FHOD3: variants seen among roughly 807,000 people sequenced by gnomAD.
The protein encoded by FHOD3 is formin homology 2 domain containing 3, also known as FH1/FH2 domain-containing protein 3.
Under a neutral mutation model 173.0 loss-of-function variants are expected in FHOD3, and 90 were observed. That is an observed-to-expected ratio of 0.52 (90% CI 0.44 to 0.62). FHOD3 has a LOEUF of 0.62. FHOD3 is among the 20% of genes least tolerant of loss of function. The probability of loss-of-function intolerance (pLI) is 0.00; values close to 1 mark genes in which losing one functional copy is unlikely to be tolerated. For synonymous variants in FHOD3, 828 were observed against 823.0 expected (o/e 1.01, Z -0.10); for missense variants, 1,945 against 2,034.7 (o/e 0.96, Z 0.85).
At chr18:36,605,857 G>A (rs532985136) in intron 8 of FHOD3, among the ~76,000 whole-genome samples, 1 of 152,276 alleles carries the variant, frequency 6.6e-6, no homozygotes, top group Non-Finnish European at 1.5e-5. Flanking sequence ...TGGTTTCTAA[G>A]TATTGATATC....
At chr18:36,737,974 T>C (rs1365944248) in intron 20 of FHOD3, among the ~76,000 whole-genome samples, 1 of 152,220 alleles carries the variant, frequency 6.6e-6, no homozygotes, top group Non-Finnish European at 1.5e-5. Flanking sequence ...ACAAAACTCT[T>C]GTGTTGCCCT....
At chr18:36,633,216 G>T (rs143745468) in intron 10 of FHOD3, among the ~76,000 whole-genome samples, 1 of 152,194 alleles carries the variant, frequency 6.6e-6, no homozygotes, top group Non-Finnish European at 1.5e-5. Flanking sequence ...CTCTTAGTGC[G>T]TGTGCTTGAG....
chr18:36,779,339 G>A, intron 28 of FHOD3, 109 bp from the exon 29 acceptor site: 2 of 949,296 alleles, frequency 2.1e-6, no homozygotes, highest in Non-Finnish European at 1.7e-6. Flanking sequence ...GGCTTCTCTG[G>A]AAGTCCCTGG....
intron 1 of FHOD3, among the ~76,000 whole-genome samples, chr18:36,306,540 A>C (rs2092103340): frequency 6.6e-6 from 1 of 152,214 alleles, no homozygotes; most frequent in East Asian, 1.9e-4. Flanking sequence ...TGACCAGCCA[A>C]AGAGGAAAGA....
intron 2 of FHOD3, among the ~76,000 whole-genome samples, chr18:36,364,303 C>T (rs9946458): frequency 0.048 from 7,337 of 152,218 alleles, 355 homozygotes; most frequent in African/African-American, 0.11. Flanking sequence ...ATCCTGACCG[C>T]AAGGATTCCA....
At chr18:36,408,040 T>G (rs991155048) in intron 3 of FHOD3, among the ~76,000 whole-genome samples, 1 of 152,172 alleles carries the variant, frequency 6.6e-6, no homozygotes, top group Non-Finnish European at 1.5e-5. Context: ...GCTGCTCAAC[T>G]TCCTGTGGGC....
At position 36,724,836 on chromosome 18, in the gene FHOD3, T is replaced by TC. The variant is rs553602341; in HGVS notation, c.3418-5807dup. 1.7e-4 allele frequency among the ~76,000 whole-genome samples: 26 copies of TC among 152,332 alleles called. No homozygotes were observed. The South Asian group carries it at 5.2e-3, about 30-fold the overall frequency. Reference sequence around the variant, plus strand: ...GGGCTACTACGGGCATGTTGGAGGCTCCCGGTAGTTGGAGCTCCGAAGGAG... The same window carrying TC: ...GGGCTACTACGGGCATGTTGGAGGCTCCCCGGTAGTTGGAGCTCCGAAGGAG... On this transcript the variant is annotated intron_variant, in intron 19 of 28. Coordinates refer to ENST00000590592, the MANE Select transcript of FHOD3 (RefSeq NM_001281740.3).
chr18:36,473,050 C>T (rs749758670), intron 3 of FHOD3, among the ~76,000 whole-genome samples: 6 of 152,168 alleles, frequency 3.9e-5, no homozygotes, highest in African/African-American at 7.2e-5. Context: ...AAACACAAGC[C>T]CAGTGAAATG....
At chr18:36,401,315 G>C (rs1423709151) in intron 3 of FHOD3, among the ~76,000 whole-genome samples, 1 of 152,128 alleles carries the variant, frequency 6.6e-6, no homozygotes, top group East Asian at 1.9e-4. Context: ...CTACCTATAA[G>C]GAACAAGACC....
chr18:36,468,337 C>T (rs1001793978), intron 3 of FHOD3, among the ~76,000 whole-genome samples: 19 of 152,286 alleles, frequency 1.2e-4, no homozygotes, highest in Non-Finnish European at 1.2e-4. Flanking sequence ...TAAGAATAGC[C>T]AGCTAGACGT....
chr18:36,369,538 T>C (rs544439013), intron 2 of FHOD3, among the ~76,000 whole-genome samples: 11 of 148,024 alleles, frequency 7.4e-5, no homozygotes, highest in Admixed American at 6.7e-4. Flanking sequence ...GCAAGCAATA[T>C]GTGAAAATAC....
At chr18:36,475,807 T>C (rs2053542627) in intron 3 of FHOD3, among the ~76,000 whole-genome samples, 2 of 151,218 alleles carry the variant, frequency 1.3e-5, no homozygotes, top group Admixed American at 6.6e-5. Context: ...CATACATACA[T>C]ATATAATTGT....
intron 23 of FHOD3, among the ~76,000 whole-genome samples, chr18:36,744,850 G>A (rs1376628480): frequency 6.6e-6 from 1 of 152,180 alleles, no homozygotes; most frequent in African/African-American, 2.4e-5. Flanking sequence ...ACTCCTAGAG[G>A]GATCCCAAAC....
intron 5 of FHOD3, among the ~76,000 whole-genome samples, chr18:36,548,808 GTTTC>G (rs567462928): frequency 2.2e-4 from 34 of 152,188 alleles, no homozygotes; most frequent in Non-Finnish European, 4.4e-4. Flanking sequence ...ATATACCAGA[GTTTC>G]TTTATCCATA....
intron 24 of FHOD3, among the ~76,000 whole-genome samples, chr18:36,750,103 C>CA (rs1170333270): frequency 1.3e-5 from 2 of 152,108 alleles, no homozygotes; most frequent in African/African-American, 4.8e-5. Context: ...TCCTGGCTAA[C>CA]ACGGTGAAAC....
intron 5 of FHOD3, among the ~76,000 whole-genome samples, chr18:36,546,718 G>T (rs191040108): frequency 6.6e-6 from 1 of 152,104 alleles, no homozygotes; most frequent in South Asian, 2.1e-4. Context: ...TTTGGTTCAC[G>T]TTCTGGCATT....
chr18:36,748,246 C>T (rs1279474820), intron 24 of FHOD3, among the ~76,000 whole-genome samples: 1 of 151,940 alleles, frequency 6.6e-6, no homozygotes, highest in Non-Finnish European at 1.5e-5. Flanking sequence ...CTCAAGGGAA[C>T]TTTTAGGATA....
At chr18:36,299,675 C>T (rs7239578) in intron 1 of FHOD3, among the ~76,000 whole-genome samples, 7,348 of 152,178 alleles carry the variant, frequency 0.048, 590 homozygotes, top group African/African-American at 0.17. Context: ...TCCACTGCCC[C>T]CCTCCTCACC....
In FHOD3 at chr18:36,649,246, TTGTC is replaced by T. The variant is rs926272424; in HGVS notation, c.1197-66_1197-63del. On this transcript the variant is annotated intron_variant, in intron 10 of 28. Coordinates refer to ENST00000590592, the MANE Select transcript of FHOD3 (RefSeq NM_001281740.3). Reference sequence around the variant, plus strand: ...TGTTGTTTTTGCTTCATCTTCCTGTTTGTCTGTAATGCTCATCTCACTTTTCCAT... The same window carrying T: ...TGTTGTTTTTGCTTCATCTTCCTGTTTGTAATGCTCATCTCACTTTTCCAT... 98 of 1,069,874 alleles carry T rather than the reference TTGTC, an allele frequency of 9.2e-5. 1 individual carries two copies. In the African/African-American group the frequency reaches 1.3e-3, roughly 14 times the overall value. The allele number at this position is 1,069,874 out of a possible 1,614,324, so 66.3% of individuals were successfully genotyped here.
Sources: gnomAD v4.1 joint callset for allele counts (sites outside exome capture counted in the v4.1 genomes callset) on GRCh38, gnomAD v4.1.1 for gene constraint, MANE v1.5 for transcripts, NCBI Gene and HGNC (gene_info 2026-07-23, HGNC 2026-07-21) for gene names.